Variants in ERBB4 observed in about 807,000 individuals in gnomAD.
ERBB4 encodes the protein erb-b2 receptor tyrosine kinase 4, also known as receptor tyrosine-protein kinase erbB-4.
Under a neutral mutation model 158.0 loss-of-function variants are expected in ERBB4, and 42 were observed. The observed-to-expected ratio is 0.27, with a 90% confidence interval of 0.21 to 0.34. The LOEUF (loss-of-function observed/expected upper bound fraction) is 0.34. Among genes scored for constraint, ERBB4 ranks in the 10% least tolerant of loss-of-function variants. The probability of loss-of-function intolerance (pLI) is 1.00; values close to 1 mark genes in which losing one functional copy is unlikely to be tolerated. For synonymous variants in ERBB4, 583 were observed against 558.7 expected (o/e 1.04, Z -0.61); for missense variants, 1,333 against 1,624.1 (o/e 0.82, Z 3.08).
intron 19 of ERBB4, among the ~76,000 whole-genome samples, chr2:211,615,508 G>A (rs963691512): frequency 4.6e-5 from 7 of 152,028 alleles, no homozygotes; most frequent in Non-Finnish European, 1.0e-4. Context: ...AATGAAGAAT[G>A]TACTGGTCAT....
chr2:211,621,604 A>G (rs1359954305), intron 18 of ERBB4, among the ~76,000 whole-genome samples: 1 of 152,182 alleles, frequency 6.6e-6, no homozygotes, highest in Admixed American at 6.5e-5. Context: ...AGGACATTAG[A>G]TAGTGTTTAG....
At chr2:212,342,580 C>A (rs925728417) in intron 1 of ERBB4, among the ~76,000 whole-genome samples, 3 of 152,080 alleles carry the variant, frequency 2.0e-5, no homozygotes, top group African/African-American at 7.2e-5. Context: ...AACAATGATG[C>A]TGGAAGTGTG....
chr2:212,276,911 T>C (rs907678873), intron 1 of ERBB4, among the ~76,000 whole-genome samples: 1 of 151,806 alleles, frequency 6.6e-6, no homozygotes, highest in African/African-American at 2.4e-5. Flanking sequence ...ACATAGTGTT[T>C]AGTGTTCCCT....
Position 211,675,792 on chromosome 2 carries a change from T to TTATATATATATATATA in ERBB4, c.1623-2551_1623-2536dup, listed in dbSNP as rs34492305. Among the ~76,000 whole-genome samples, 25 of 93,582 alleles carry TTATATATATATATATA rather than the reference T, an allele frequency of 2.7e-4. 1 individual carries two copies. The highest frequency in any genetic ancestry group is 3.4e-4 in the Non-Finnish European group (12 of 35,708). The allele number at this position is 93,582 out of a possible 152,430, so 61.4% of individuals were successfully genotyped here. On this transcript the variant is annotated intron_variant, in intron 13 of 27. Transcript: ENST00000342788. The stretch of plus-strand genomic sequence containing the variant: ...TATAATATATATATAAAATATAATA[T>TTATATATATATATATA]TATATATATATATATATAACAAATA...
rs1559585312 is a variant in ERBB4, at chr2:211,861,041, T to TTA, written c.422-72884_422-72883dup. Among the ~76,000 whole-genome samples the TTA allele has an allele frequency of 1.2e-3, 31 of 25,548 alleles. 2 individuals are homozygous for TTA. Among genetic ancestry groups the TTA allele is most frequent in the African/African-American group, 6.7e-3 (26 of 3,902 alleles). The allele number at this position is 25,548 out of a possible 152,430, so 16.8% of individuals were successfully genotyped here. A position where few individuals can be genotyped will look rare whatever the true frequency, so the allele number is the denominator to read the frequency against. ...TTATATATATATAAATATAATATATTTATATATTTATATATATATAAATAT... is the reference window on the plus strand; with the variant it reads ...TTATATATATATAAATATAATATATTTATATATATTTATATATATATAAATAT... On this transcript the variant is annotated intron_variant, in intron 3 of 27. Transcript: ENST00000342788.
intron 4 of ERBB4, among the ~76,000 whole-genome samples, chr2:211,764,851 C>G (rs1259187039): frequency 6.6e-6 from 1 of 152,094 alleles, no homozygotes; most frequent in Non-Finnish European, 1.5e-5. Flanking sequence ...TCAGAAAGTT[C>G]AACGGATTTT....
Position 211,832,787 on chromosome 2 carries a change from T to A in ERBB4, c.422-44628A>T, listed in dbSNP as rs192952965. Among the ~76,000 whole-genome samples, 5 of 150,826 alleles carry A rather than the reference T, an allele frequency of 3.3e-5. No homozygotes were observed. In the Admixed American group the frequency reaches 3.3e-4, roughly 10 times the overall value. On this transcript the variant is annotated intron_variant, in intron 3 of 27. Coordinates refer to ENST00000342788, the MANE Select transcript of ERBB4 (RefSeq NM_005235.3). Reference sequence around the variant, plus strand: ...GAGGATAGCTGAAGAACACATTCCCTGTCTATACGCATTGATATTAAAATA... The same window carrying A: ...GAGGATAGCTGAAGAACACATTCCCAGTCTATACGCATTGATATTAAAATA...
At chr2:212,381,715 G>C (rs929239922) in intron 1 of ERBB4, among the ~76,000 whole-genome samples, 1 of 151,086 alleles carries the variant, frequency 6.6e-6, no homozygotes, top group African/African-American at 2.4e-5. Context: ...AGCTGTCTAG[G>C]CATCACTTAA....
intron 3 of ERBB4, among the ~76,000 whole-genome samples, chr2:211,937,535 A>G (rs1406178807): frequency 6.6e-6 from 1 of 152,136 alleles, no homozygotes; most frequent in Non-Finnish European, 1.5e-5. Context: ...GGTAATTTAT[A>G]AAGATAAGAG....
intron 1 of ERBB4, among the ~76,000 whole-genome samples, chr2:212,409,026 C>T (rs1435651850): frequency 6.6e-6 from 1 of 151,846 alleles, no homozygotes; most frequent in African/African-American, 2.4e-5. Context: ...TAATACAAAT[C>T]ATTTCTTTAC....
rs1693247221 is a variant in ERBB4 at position 212,538,606 on chromosome 2, G to A, written c.-76C>T. 6.8e-7 allele frequency: 1 copy of A among 1,463,980 alleles called. No homozygotes were observed. The highest frequency in any genetic ancestry group is 1.4e-5 in the African/African-American group (1 of 72,004). The allele number at this position is 1,463,980 out of a possible 1,614,324, so 90.7% of individuals were successfully genotyped here. On this transcript the variant is annotated 5_prime_UTR_variant, in exon 1 of 28. Transcript: ENST00000342788. Reference sequence around the variant, plus strand: ...ATCCCCCTTTCGGGCACGCGGAGGAGATCCCCCAGCCGGGCGCGCGTGGGG... The same window carrying A: ...ATCCCCCTTTCGGGCACGCGGAGGAAATCCCCCAGCCGGGCGCGCGTGGGG...
chr2:211,829,281 A>T (rs1431684058), intron 3 of ERBB4, among the ~76,000 whole-genome samples: 2 of 152,138 alleles, frequency 1.3e-5, no homozygotes, highest in African/African-American at 4.8e-5. Flanking sequence ...TAACATACAC[A>T]CACACACATT....
At chr2:211,443,019 C>G (rs900989819) in intron 20 of ERBB4, among the ~76,000 whole-genome samples, 6 of 151,968 alleles carry the variant, frequency 3.9e-5, no homozygotes, top group Admixed American at 3.3e-4. Flanking sequence ...CGTTTTGGGA[C>G]AGTCAATAAA....
chr2:211,611,415 T>TTTTGCTTTCGCTTTACC (rs1404976326), intron 19 of ERBB4, among the ~76,000 whole-genome samples: 1 of 152,126 alleles, frequency 6.6e-6, no homozygotes, highest in Non-Finnish European at 1.5e-5. Flanking sequence ...GAAGCTTTAC[T>TTTTGCTTTCGCTTTACC]TTTGCTTTCG....
intron 1 of ERBB4, among the ~76,000 whole-genome samples, chr2:212,249,457 A>ATG (rs2084446014): frequency 6.6e-6 from 1 of 151,014 alleles, no homozygotes. Context: ...AGGTTGAAAC[A>ATG]TACAATTAGC....
chr2:211,958,920 C>T (rs1040698575), intron 2 of ERBB4, among the ~76,000 whole-genome samples: 1 of 91,280 alleles, frequency 1.1e-5, no homozygotes, highest in Non-Finnish European at 3.6e-5. Flanking sequence ...CTCTTAGGTG[C>T]CTTCTCTTAG....
At chr2:212,406,708 T>C (rs1016413919) in intron 1 of ERBB4, among the ~76,000 whole-genome samples, 3 of 152,118 alleles carry the variant, frequency 2.0e-5, no homozygotes, top group Non-Finnish European at 4.4e-5. Context: ...CTGGTTGTCA[T>C]TTGGGATAAT....
chr2:212,332,607 A>G (rs777216415), intron 1 of ERBB4, among the ~76,000 whole-genome samples: 45 of 152,158 alleles, frequency 3.0e-4, no homozygotes, highest in Non-Finnish European at 5.9e-4. Flanking sequence ...TTATTTTATT[A>G]TTCTGAGACT....
At chr2:211,486,493 C>A (rs2065207209) in intron 20 of ERBB4, among the ~76,000 whole-genome samples, 1 of 151,572 alleles carries the variant, frequency 6.6e-6, no homozygotes. Flanking sequence ...GAAATGACAG[C>A]TGTAAAATAT....
Sources: allele counts gnomAD v4.1 joint callset (sites outside exome capture counted in the v4.1 genomes callset), GRCh38; gene constraint gnomAD v4.1.1; transcripts MANE v1.5; gene names NCBI Gene and HGNC (gene_info 2026-07-23, HGNC 2026-07-21).